Variants in GDPD3 observed in about 807,000 individuals in gnomAD.
GDPD3 encodes glycerophosphodiester phosphodiesterase domain containing 3, also known as lysophospholipase D GDPD3.
GDPD3 carries 40 observed loss-of-function variants against 43.7 expected under a neutral mutation model. The observed-to-expected ratio is 0.91, with a 90% CI of 0.71 to 1.19. The LOEUF (loss-of-function observed/expected upper bound fraction) is 1.19. Among genes scored for constraint, GDPD3 ranks in the 50% most tolerant of loss-of-function variants. The probability of loss-of-function intolerance (pLI) is 0.00; values close to 1 mark genes in which losing one functional copy is unlikely to be tolerated. For synonymous variants in GDPD3, 145 were observed against 162.9 expected (o/e 0.89, Z 0.84); for missense variants, 363 against 415.8 (o/e 0.87, Z 1.11).
chr16:30,111,568 CAG>C (rs766822618), intron 6 of GDPD3, 47 bp from the exon 7 acceptor site: 2 of 1,605,184 alleles, frequency 1.2e-6, no homozygotes, highest in African/African-American at 2.7e-5. Context: ...TCTGGGGAAG[CAG>C]AGAGGAGGCA....
rs537436742 is a variant in GDPD3 at position 30,113,454 on chromosome 16, G to A, written c.25C>T (p.Leu9Phe). 1.4e-5 allele frequency: 23 copies of A among 1,605,504 alleles called. No individual in the cohort carries two copies. Among genetic ancestry groups the A allele is most frequent in the Non-Finnish European group, 2.0e-5 (23 of 1,175,204 alleles). The change falls in exon 1 of 10, where the codon CTC (leucine) becomes TTC (phenylalanine). Residue 9 changes from leucine (L) to phenylalanine (F), a missense_variant. Coordinates refer to ENST00000406256, the MANE Select transcript of GDPD3 (RefSeq NM_024307.3). This position sits in a 1 kb window ranked among gnomAD's most constrained non-coding sequence, Gnocchi z 5.9. MSLLLYYALPALGSYAMLS... is the reference protein window; with the variant it reads MSLLLYYAFPALGSYAMLS... Reference sequence around the variant, plus strand: ...ATGGCATAGCTGCCCAGGGCAGGGAGGGCATAGTACAGCAAAAGGCTCATG... The same window carrying A: ...ATGGCATAGCTGCCCAGGGCAGGGAAGGCATAGTACAGCAAAAGGCTCATG...
At chr16:30,105,257 G>A (rs968526608) in intron 9 of GDPD3, among the ~76,000 whole-genome samples, 11 of 152,054 alleles carry the variant, frequency 7.2e-5, no homozygotes, top group Non-Finnish European at 1.3e-4. Flanking sequence ...GAGGCCAGGT[G>A]TTTAAGATCG....
Position 30,112,305 on chromosome 16 carries a change from C to A in GDPD3, c.483+1G>T, listed in dbSNP as rs1335529444. 1 of 1,614,130 alleles carries A rather than the reference C, an allele frequency of 6.2e-7. No homozygotes were observed. The highest frequency in any genetic ancestry group is 1.7e-5 in the Admixed American group (1 of 60,030). On this transcript the variant is annotated splice_donor_variant, in intron 5 of 9. Transcript: ENST00000406256. LOFTEE classifies it high-confidence loss of function. The surrounding 1 kb of genome is among the most constrained non-coding windows in gnomAD (Gnocchi z 5.4). ...CGCCCTAGCCCTGCCTGCAGCACCACCTCACGGATGAGCTCTTCGTTCTTC... is the reference window on the plus strand; with the variant it reads ...CGCCCTAGCCCTGCCTGCAGCACCAACTCACGGATGAGCTCTTCGTTCTTC...
rs2072903180 is a variant in GDPD3 at position 30,112,050 on chromosome 16, C to T, written c.573+82G>A. On this transcript the variant is annotated intron_variant, in intron 6 of 9. Coordinates refer to ENST00000406256, the MANE Select transcript of GDPD3 (RefSeq NM_024307.3). This position sits in a 1 kb window ranked among gnomAD's most constrained non-coding sequence, Gnocchi z 5.4. ...TCTCCCAGACCCCTCTAGCTCGGGTCCCCATGCTGGGTGGGCTCCAGCTCT... is the reference window on the plus strand; with the variant it reads ...TCTCCCAGACCCCTCTAGCTCGGGTTCCCATGCTGGGTGGGCTCCAGCTCT... The T allele has an allele frequency of 5.4e-6, 6 of 1,115,970 alleles. No individual in the cohort carries two copies. The highest frequency in any genetic ancestry group is 6.8e-6 in the Non-Finnish European group (5 of 740,456). 69.1% of individuals were successfully genotyped at this position (1,115,970 alleles called of 1,614,324 possible).
At chr16:30,108,514 A>G in intron 7 of GDPD3, 82 bp from the exon 8 acceptor site, 1 of 1,286,784 alleles carries the variant, frequency 7.8e-7, no homozygotes, top group South Asian at 1.2e-5. Context: ...GCCCCCGCCA[A>G]CTAGGGTAGC....
chr16:30,108,638 C>T (rs1165483179), intron 7 of GDPD3: 1 of 556,742 alleles, frequency 1.8e-6, no homozygotes, highest in African/African-American at 1.9e-5. Context: ...AGGGTGTGGC[C>T]CTCCAGTCAC....
chr16:30,108,615 C>T (rs2072877171), intron 7 of GDPD3, 183 bp from the exon 8 acceptor site: 1 of 592,098 alleles, frequency 1.7e-6, no homozygotes, highest in Non-Finnish European at 3.0e-6. Context: ...CCTACTCTGA[C>T]CACCACGCTT....
At chr16:30,107,452 C>T (rs995168861) in intron 9 of GDPD3, among the ~76,000 whole-genome samples, 3 of 152,082 alleles carry the variant, frequency 2.0e-5, no homozygotes, top group Non-Finnish European at 4.4e-5. Context: ...AAGCTCCCAC[C>T]CCTAGTACCA....
At position 30,112,518 on chromosome 16, in the gene GDPD3, C is replaced by T. The variant is rs1204666332; in HGVS notation, c.364+5G>A. The T allele has an allele frequency of 1.2e-6, 2 of 1,614,036 alleles. No homozygotes were observed. The highest frequency in any genetic ancestry group is 1.7e-6 in the Non-Finnish European group (2 of 1,180,026). On this transcript the variant is annotated splice_donor_5th_base_variant and intron_variant, in intron 4 of 9. Transcript: ENST00000406256. The surrounding 1 kb of genome is among the most constrained non-coding windows in gnomAD (Gnocchi z 5.4). ...CCAGGCAGGGCTCGAAGCCCTTGCTCTCACCTGGAGAGAAGTAAACCTCCA... is the reference window on the plus strand; with the variant it reads ...CCAGGCAGGGCTCGAAGCCCTTGCTTTCACCTGGAGAGAAGTAAACCTCCA...
Position 30,112,265 on chromosome 16 carries a change from C to G in GDPD3, c.483+41G>C, listed in dbSNP as rs772823252. The G allele has an allele frequency of 6.2e-7, 1 of 1,613,476 alleles. No individual in the cohort carries two copies. The highest frequency in any genetic ancestry group is 8.5e-7 in the Non-Finnish European group (1 of 1,179,346). ...GGTGAAGGGAGAGCCAGGCCTCTCTCACGCCCCCGGTGGCCGCCCTAGCCC... is the reference window on the plus strand; with the variant it reads ...GGTGAAGGGAGAGCCAGGCCTCTCTGACGCCCCCGGTGGCCGCCCTAGCCC... On this transcript the variant is annotated intron_variant, in intron 5 of 9. Coordinates refer to ENST00000406256, the MANE Select transcript of GDPD3 (RefSeq NM_024307.3). The surrounding 1 kb of genome is among the most constrained non-coding windows in gnomAD (Gnocchi z 5.4).
intron 9 of GDPD3, among the ~76,000 whole-genome samples, chr16:30,106,456 C>T (rs1283469934): frequency 2.0e-5 from 3 of 152,144 alleles, no homozygotes; most frequent in Non-Finnish European, 4.4e-5. Flanking sequence ...TCCACTGCCA[C>T]CTGCCCCAGC....
chr16:30,111,277 C>T (rs770935633), intron 7 of GDPD3, 111 bp downstream of exon 7: 3 of 1,245,458 alleles, frequency 2.4e-6, no homozygotes, highest in Non-Finnish European at 3.4e-6. Flanking sequence ...CCTTAAAAGA[C>T]CTTGGGGGTT....
chr16:30,108,160 C>G lies in GDPD3; in HGVS notation c.819+53G>C, dbSNP rs541110111. 1.8e-5 allele frequency: 27 copies of G among 1,494,632 alleles called. 1 individual carries two copies. The Middle Eastern group carries it at 3.1e-3, about 169-fold the overall frequency. The allele number at this position is 1,494,632 out of a possible 1,614,324, so 92.6% of individuals were successfully genotyped here. The stretch of plus-strand genomic sequence containing the variant: ...CAGCTAGTTGGCAGCAGAGTGGGAC[C>G]GGAACCCTGCTGCCAGGTCTGTGTG... On this transcript the variant is annotated intron_variant, in intron 9 of 9. Coordinates refer to ENST00000406256, the MANE Select transcript of GDPD3 (RefSeq NM_024307.3).
At position 30,112,753 on chromosome 16, in the gene GDPD3, G is replaced by A. The variant is rs2072913088; in HGVS notation, c.223C>T (p.Gln75Ter). 1.2e-6 allele frequency: 2 copies of A among 1,612,412 alleles called. No homozygotes were observed. The highest frequency in any genetic ancestry group is 2.2e-5 in the East Asian group (1 of 44,888). The stretch of plus-strand genomic sequence containing the variant: ...ACCACCACTCTGTCCCGTGTCAGCT[G>A]ACAGTCGAGCTCCAGGAGGTCCGAG... Reference protein sequence around the residue: ...QRSDLLELDCQLTRDRVVVVS... With the variant: ...QRSDLLELDC The change falls in exon 3 of 10, where the codon CAG becomes TAG. Residue 75 changes from glutamine to a stop codon, truncating the protein, a stop_gained. Transcript: ENST00000406256. LOFTEE classifies it high-confidence loss of function. This position sits in a 1 kb window ranked among gnomAD's most constrained non-coding sequence, Gnocchi z 5.4.
At position 30,112,719 on chromosome 16, in the gene GDPD3, T is replaced by C. The variant is rs2072912523; in HGVS notation, c.257A>G (p.His86Arg). 2 of 1,613,732 alleles carry C rather than the reference T, an allele frequency of 1.2e-6. No homozygotes were observed. The highest frequency in any genetic ancestry group is 1.1e-5 in the South Asian group (1 of 91,080). Residue 86 changes from histidine to arginine, a missense_variant, in exon 3 of 10, where the codon CAT becomes CGT. His to Arg is a conservative substitution (Grantham distance 29, BLOSUM62 0). Coordinates refer to ENST00000406256, the MANE Select transcript of GDPD3 (RefSeq NM_024307.3). This position sits in a 1 kb window ranked among gnomAD's most constrained non-coding sequence, Gnocchi z 5.4. The stretch of plus-strand genomic sequence containing the variant: ...CGACTGGCGGCACAGGTTCTCATCA[T>C]GTGACACCACCACCACTCTGTCCCG... ...LTRDRVVVVS[H>R]DENLCRQSGL...
At chr16:30,108,065 A>C in intron 9 of GDPD3, 148 bp downstream of exon 9, 2 of 615,596 alleles carry the variant, frequency 3.2e-6, no homozygotes, top group South Asian at 3.9e-5. Flanking sequence ...GTGTATCCAG[A>C]GAGTTAAATA....
At chr16:30,107,986 G>C (rs2072871481) in intron 9 of GDPD3, 3 of 269,188 alleles carry the variant, frequency 1.1e-5, no homozygotes, top group African/African-American at 7.2e-5. Flanking sequence ...TGAGACTCTT[G>C]ACACACACAC....
intron 9 of GDPD3, among the ~76,000 whole-genome samples, chr16:30,106,620 C>T (rs1204310578): frequency 6.6e-6 from 1 of 152,166 alleles, no homozygotes; most frequent in Non-Finnish European, 1.5e-5. Flanking sequence ...TAGCCTTGAC[C>T]TCCTGGGCTC....
chr16:30,106,934 C>T (rs2072865029), intron 9 of GDPD3, among the ~76,000 whole-genome samples: 1 of 152,178 alleles, frequency 6.6e-6, no homozygotes, highest in African/African-American at 2.4e-5. Flanking sequence ...GTCTCGAACT[C>T]CTGACCTTAG....
Sources: gnomAD v4.1 joint callset for allele counts (sites outside exome capture counted in the v4.1 genomes callset) on GRCh38, gnomAD v4.1.1 for gene constraint, Gnocchi (gnomAD v3.1) non-coding constraint, MANE v1.5 for transcripts, NCBI Gene and HGNC (gene_info 2026-07-23, HGNC 2026-07-21) for gene names.